The following STMN4 variants were observed in gnomAD, a reference collection of about 807,000 sequenced individuals.
STMN4 encodes the protein stathmin-4.
STMN4 carries 12 observed loss-of-function variants against 29.1 expected under a neutral mutation model. The ratio of observed to expected loss-of-function variants is 0.41; its 90% CI spans 0.26 to 0.67. The LOEUF (loss-of-function observed/expected upper bound fraction) is 0.67. Ranked by LOEUF, STMN4 falls within the 30% of genes least tolerant of loss-of-function variation. The pLI is 0.30. For synonymous variants in STMN4, 114 were observed against 105.3 expected, an observed-to-expected ratio of 1.08 and a Z score of -0.51; for missense variants, 181 against 262.8, an observed-to-expected ratio of 0.69 and a Z score of 2.15.
chr8:27,242,014 C>T, intron 3 of STMN4: 1 of 579,834 alleles, frequency 1.7e-6, no homozygotes, highest in East Asian at 2.8e-5. Flanking sequence ...CTACCCTTCC[C>T]AGAGGAGACC....
rs1801919499 is a variant in STMN4, at chr8:27,255,656, C to T, written c.-79+2695G>A. Among the ~76,000 whole-genome samples, 3 of 152,106 alleles carry T rather than the reference C, an allele frequency of 2.0e-5. No homozygotes were observed. In the South Asian group the frequency reaches 6.2e-4, roughly 32 times the overall value. ...CATGTTCCTTTTTCCTGCTCAAATA[C>T]CCTATTCTCTGAACCTCAGTTTGTC... On this transcript the variant is annotated intron_variant, in intron 1 of 6. Transcript: ENST00000350889.
chr8:27,236,459 A>T lies in STMN4; in HGVS notation c.*387T>A, dbSNP rs1801312712. On this transcript the variant is annotated 3_prime_UTR_variant, in exon 7 of 7. Transcript: ENST00000350889. ...CCCTGCAGCCGCTGCCCCACCCAGG[A>T]CTCTGTCCTTCACCCTGAAGTTCTA... is the stretch of plus-strand genomic sequence containing the variant. The T allele has an allele frequency of 6.2e-6, 1 of 160,076 alleles. No homozygotes were observed. Among genetic ancestry groups the T allele is most frequent in the Non-Finnish European group, 1.4e-5 (1 of 73,604 alleles). The allele number at this position is 160,076 out of a possible 1,614,324, so 9.9% of individuals were successfully genotyped here.
chr8:27,249,650 C>A (rs1336075619), intron 1 of STMN4, among the ~76,000 whole-genome samples: 1 of 152,156 alleles, frequency 6.6e-6, no homozygotes, highest in Non-Finnish European at 1.5e-5. Context: ...GTCACCAGAG[C>A]AGCTCTGAAT....
intron 1 of STMN4, among the ~76,000 whole-genome samples, chr8:27,252,411 A>G (rs55988242): frequency 0.063 from 9,522 of 152,250 alleles, 417 homozygotes; most frequent in Non-Finnish European, 0.092. Flanking sequence ...AGAATCTACA[A>G]TGAACTCAAA....
At chr8:27,242,225 TG>T in intron 3 of STMN4, 171 bp downstream of exon 3, 1 of 668,558 alleles carries the variant, frequency 1.5e-6, no homozygotes, top group Non-Finnish European at 2.5e-6. Flanking sequence ...GTGCCCAGGC[TG>T]GACCACTGCA....
chr8:27,245,002 C>T (rs913949443), intron 1 of STMN4, among the ~76,000 whole-genome samples: 3 of 152,128 alleles, frequency 2.0e-5, no homozygotes, highest in African/African-American at 7.2e-5. Flanking sequence ...AGACCCACTT[C>T]AAACCCCTTG....
intron 1 of STMN4, among the ~76,000 whole-genome samples, chr8:27,255,472 C>T (rs902368419): frequency 2.8e-4 from 42 of 152,244 alleles, no homozygotes; most frequent in African/African-American, 1.0e-3. Flanking sequence ...AAAATTAAGC[C>T]TTTCTTTGAT....
intron 1 of STMN4, among the ~76,000 whole-genome samples, chr8:27,255,343 C>T (rs1487297603): frequency 1.3e-5 from 2 of 152,150 alleles, no homozygotes; most frequent in Admixed American, 6.5e-5. Context: ...TCATTTCTCC[C>T]CATCTGTGTC....
chr8:27,245,630 C>T (rs1333915356), intron 1 of STMN4, among the ~76,000 whole-genome samples: 1 of 152,224 alleles, frequency 6.6e-6, no homozygotes, highest in Non-Finnish European at 1.5e-5. Context: ...GCAGTCTCTG[C>T]TCATGGCCAG....
Position 27,236,770 on chromosome 8 carries a change from G to A in STMN4, c.*76C>T, listed in dbSNP as rs753847821. 7.5e-5 allele frequency: 95 copies of A among 1,268,000 alleles called. No individual in the cohort carries two copies. The highest frequency in any genetic ancestry group is 9.3e-5 in the Non-Finnish European group (87 of 939,266). The allele number at this position is 1,268,000 out of a possible 1,614,324, so 78.5% of individuals were successfully genotyped here. A position where few individuals can be genotyped will look rare whatever the true frequency, so the allele number is the denominator to read the frequency against. ...AAACCCCAGTGCTGGGAGCGCAGCCGGCGGGCGAGGCTGCCTGGAACGTGG... is the reference window on the plus strand; with the variant it reads ...AAACCCCAGTGCTGGGAGCGCAGCCAGCGGGCGAGGCTGCCTGGAACGTGG... On this transcript the variant is annotated 3_prime_UTR_variant, in exon 7 of 7. Coordinates refer to ENST00000350889, the MANE Select transcript of STMN4 (RefSeq NM_030795.4).
intron 1 of STMN4, among the ~76,000 whole-genome samples, chr8:27,248,750 T>C (rs1486680433): frequency 1.3e-5 from 2 of 152,202 alleles, no homozygotes; most frequent in Non-Finnish European, 2.9e-5. Flanking sequence ...GAGCTGGGAT[T>C]TGAGTCCTCA....
At chr8:27,254,347 G>A (rs143404388) in intron 1 of STMN4, among the ~76,000 whole-genome samples, 236 of 152,180 alleles carry the variant, frequency 1.6e-3, no homozygotes, top group Non-Finnish European at 2.8e-3. Context: ...CTAGATCTGC[G>A]CTCAGCTCCT....
chr8:27,251,981 C>T (rs1801802730), intron 1 of STMN4, among the ~76,000 whole-genome samples: 1 of 151,498 alleles, frequency 6.6e-6, no homozygotes, highest in Non-Finnish European at 1.5e-5. Context: ...CCACAACAGT[C>T]CCCAGAGTGT....
rs1801546272 is a variant in STMN4 at position 27,243,777 on chromosome 8, A to C, written c.-54T>G. The stretch of plus-strand genomic sequence containing the variant: ...CTGAAAGTTACAGAGTGGGTCTGTC[A>C]CCAGCTTGGGACGCTGTCACCAACC... On this transcript the variant is annotated 5_prime_UTR_variant, in exon 2 of 7. Coordinates refer to ENST00000350889, the MANE Select transcript of STMN4 (RefSeq NM_030795.4). 1.9e-6 allele frequency: 3 copies of C among 1,614,016 alleles called. No individual in the cohort carries two copies. The highest frequency in any genetic ancestry group is 2.5e-6 in the Non-Finnish European group (3 of 1,180,008).
rs189581592 is a variant in STMN4, at chr8:27,244,751, G to T, written c.-78-950C>A. 4.4e-3 allele frequency among the ~76,000 whole-genome samples: 663 copies of T among 152,300 alleles called. 7 individuals are homozygous for T. Among genetic ancestry groups the T allele is most frequent in the Non-Finnish European group, 4.1e-3 (280 of 68,022 alleles). On this transcript the variant is annotated intron_variant, in intron 1 of 6. Coordinates refer to ENST00000350889, the MANE Select transcript of STMN4 (RefSeq NM_030795.4). Reference sequence around the variant, plus strand: ...CTAGATCAGAAAGTGGAAAGAGGAGGGGGCGGGGCAGGAGACAAAACAGGA... The same window carrying T: ...CTAGATCAGAAAGTGGAAAGAGGAGTGGGCGGGGCAGGAGACAAAACAGGA...
intron 6 of STMN4, among the ~76,000 whole-genome samples, chr8:27,238,187 G>A (rs1390471799): frequency 6.6e-6 from 1 of 152,170 alleles, no homozygotes; most frequent in East Asian, 1.9e-4. Flanking sequence ...TTAGTGTTCT[G>A]GGGAAGGTTC....
intron 1 of STMN4, among the ~76,000 whole-genome samples, chr8:27,250,288 G>T (rs1470121557): frequency 1.3e-5 from 2 of 152,226 alleles, no homozygotes; most frequent in East Asian, 3.8e-4. Context: ...TGGCAGCCAT[G>T]TGTCTTCTTT....
intron 6 of STMN4, 101 bp from the exon 7 acceptor site, chr8:27,237,006 A>C: frequency 1.6e-6 from 2 of 1,274,658 alleles, no homozygotes; most frequent in Non-Finnish European, 2.2e-6. Flanking sequence ...AGTGGCCACC[A>C]CAGGCAGCGA....
chr8:27,258,005 C>A (rs1459188336), intron 1 of STMN4, among the ~76,000 whole-genome samples: 1 of 152,186 alleles, frequency 6.6e-6, no homozygotes, highest in Non-Finnish European at 1.5e-5. Flanking sequence ...AGGTCACAGC[C>A]AGCTGCAGGG....
Sources: allele counts gnomAD v4.1 joint callset (sites outside exome capture counted in the v4.1 genomes callset), GRCh38; gene constraint gnomAD v4.1.1; transcripts MANE v1.5; gene names NCBI Gene and HGNC (gene_info 2026-07-23, HGNC 2026-07-21).